Variants in UTRN observed in about 807,000 individuals in gnomAD.
The protein encoded by UTRN is utrophin.
In UTRN, 283 loss-of-function variants were observed where a neutral mutation model predicts 463.9. That is an observed-to-expected ratio of 0.61 (90% CI 0.55 to 0.67). UTRN has a LOEUF of 0.67. UTRN is among the 30% of genes least tolerant of loss of function. UTRN has a pLI of 0.00. For synonymous variants in UTRN, 1,442 were observed against 1,431.5 expected (o/e 1.01, Z -0.17); for missense variants, 3,922 against 4,084.3 (o/e 0.96, Z 1.08).
chr6:144,358,898 A>G (rs1300159719), intron 2 of UTRN, among the ~76,000 whole-genome samples: 1 of 152,222 alleles, frequency 6.6e-6, no homozygotes, highest in Non-Finnish European at 1.5e-5. Flanking sequence ...CTTTATACTC[A>G]TACTTAAAAA....
At position 144,815,555 on chromosome 6, in the gene UTRN, A is replaced by G. The variant is rs899180213; in HGVS notation, c.9358-5327A>G. Among the ~76,000 whole-genome samples, 4 of 152,354 alleles carry G rather than the reference A, an allele frequency of 2.6e-5. No homozygotes were observed. The South Asian group carries it at 8.3e-4, about 32-fold the overall frequency. On this transcript the variant is annotated intron_variant, in intron 65 of 74. Transcript: ENST00000367545. ...GCCGAAGGCCCAAGAGCCCCTGGCAAACCACTGGTCTAACAGTCCAAAAGT... is the reference window on the plus strand; with the variant it reads ...GCCGAAGGCCCAAGAGCCCCTGGCAGACCACTGGTCTAACAGTCCAAAAGT...
In UTRN at chr6:144,812,009, C is replaced by T. The variant is rs191497506; in HGVS notation, c.9357+8862C>T. On this transcript the variant is annotated intron_variant, in intron 65 of 74. Coordinates refer to ENST00000367545, the MANE Select transcript of UTRN (RefSeq NM_007124.3). ...AGCCTTTGTTTTCCTCTGTATGTAA[C>T]TTATTCATATTTGTAATTAACAATT... Among the ~76,000 whole-genome samples the T allele has an allele frequency of 3.1e-4, 47 of 152,140 alleles. 1 individual carries two copies. The East Asian group carries it at 8.5e-3, about 28-fold the overall frequency.
intron 62 of UTRN, among the ~76,000 whole-genome samples, chr6:144,792,003 C>T (rs528831976): frequency 6.6e-6 from 1 of 152,286 alleles, no homozygotes; most frequent in African/African-American, 2.4e-5. Context: ...GCTAAGACTA[C>T]TGGATAAATA....
At chr6:144,649,061 G>A (rs1051053556) in intron 51 of UTRN, among the ~76,000 whole-genome samples, 5 of 152,176 alleles carry the variant, frequency 3.3e-5, no homozygotes, top group African/African-American at 9.7e-5. Context: ...ACAGCATAAT[G>A]GAGATGGCCG....
In UTRN at chr6:144,519,804, C is replaced by T. The variant is rs552441429; in HGVS notation, c.5542-2176C>T. Among the ~76,000 whole-genome samples the T allele has an allele frequency of 2.0e-5, 3 of 152,278 alleles. No homozygotes were observed. In the East Asian group the frequency reaches 5.8e-4, roughly 29 times the overall value. On this transcript the variant is annotated intron_variant, in intron 39 of 74. Coordinates refer to ENST00000367545, the MANE Select transcript of UTRN (RefSeq NM_007124.3). The stretch of plus-strand genomic sequence containing the variant: ...TTTTAAACTTGGATCTTTATGATAC[C>T]TACTAACCTCCCTAGTTTATTCTAA...
chr6:144,647,591 T>G (rs1421214971), intron 51 of UTRN, among the ~76,000 whole-genome samples: 1 of 152,244 alleles, frequency 6.6e-6, no homozygotes, highest in Non-Finnish European at 1.5e-5. Flanking sequence ...CAGATGTCCT[T>G]GTGCAAGCTG....
intron 43 of UTRN, among the ~76,000 whole-genome samples, chr6:144,534,884 C>T (rs1485246433): frequency 2.0e-5 from 3 of 152,134 alleles, no homozygotes; most frequent in Non-Finnish European, 4.4e-5. Context: ...TAGGGAGGGC[C>T]TTCTAGGCAG....
chr6:144,569,024 CT>C (rs1023669819), intron 50 of UTRN, among the ~76,000 whole-genome samples: 7 of 151,930 alleles, frequency 4.6e-5, no homozygotes, highest in African/African-American at 1.7e-4. Context: ...ATTTTATTGA[CT>C]TATGATATTA....
At chr6:144,444,177 G>T in intron 13 of UTRN, 104 bp from the exon 14 acceptor site, 1 of 897,648 alleles carries the variant, frequency 1.1e-6, no homozygotes, top group Non-Finnish European at 1.6e-6. Flanking sequence ...TTTATAAGTT[G>T]TTATTCTATA....
At chr6:144,509,674 G>T (rs766722097) in intron 34 of UTRN, among the ~76,000 whole-genome samples, 5 of 151,996 alleles carry the variant, frequency 3.3e-5, no homozygotes, top group Non-Finnish European at 7.4e-5. Context: ...ACATTTTAAT[G>T]TATTTGCACT....
intron 49 of UTRN, among the ~76,000 whole-genome samples, chr6:144,555,760 T>A (rs1799325403): frequency 6.6e-6 from 1 of 152,124 alleles, no homozygotes; most frequent in Non-Finnish European, 1.5e-5. Flanking sequence ...ACAGGGGAAA[T>A]TCATCCCCAT....
chr6:144,454,761 A>G (rs1393414702), intron 19 of UTRN, among the ~76,000 whole-genome samples: 1 of 152,108 alleles, frequency 6.6e-6, no homozygotes, highest in African/African-American at 2.4e-5. Flanking sequence ...AATTATCTAT[A>G]CCTTTACTCG....
chr6:144,406,364 T>C (rs1414173426), intron 3 of UTRN, among the ~76,000 whole-genome samples: 3 of 30,958 alleles, frequency 9.7e-5, no homozygotes, highest in African/African-American at 1.5e-4. Context: ...TTCTTTTTTT[T>C]TTTTTTTTTT....
chr6:144,607,865 G>A (rs937380417), intron 51 of UTRN, among the ~76,000 whole-genome samples: 1 of 152,142 alleles, frequency 6.6e-6, no homozygotes, highest in Non-Finnish European at 1.5e-5. Flanking sequence ...GAGTGACCTT[G>A]TTTTGTTTTA....
intron 51 of UTRN, among the ~76,000 whole-genome samples, chr6:144,639,257 C>G (rs115298340): frequency 3.4e-4 from 51 of 152,234 alleles, no homozygotes; most frequent in African/African-American, 1.1e-3. Flanking sequence ...GTCCTCACCT[C>G]TTGATTTGTC....
At chr6:144,764,253 A>G (rs1397045208) in intron 58 of UTRN, among the ~76,000 whole-genome samples, 1 of 152,198 alleles carries the variant, frequency 6.6e-6, no homozygotes, top group Non-Finnish European at 1.5e-5. Context: ...CTAAAAATCT[A>G]AACAGTAGAA....
At chr6:144,696,354 A>G (rs142295427) in intron 52 of UTRN, among the ~76,000 whole-genome samples, 95 of 152,338 alleles carry the variant, frequency 6.2e-4, no homozygotes, top group African/African-American at 2.3e-3. Flanking sequence ...ATGTGGCCTA[A>G]TGAGCACTTG....
At chr6:144,784,353 C>T (rs1261718428) in intron 61 of UTRN, among the ~76,000 whole-genome samples, 1 of 152,174 alleles carries the variant, frequency 6.6e-6, no homozygotes, top group African/African-American at 2.4e-5. Context: ...ATGAAGGTGT[C>T]GGCTGGGTTG....
At chr6:144,429,771 G>C in intron 9 of UTRN, 30 bp downstream of exon 9, 1 of 1,593,920 alleles carries the variant, frequency 6.3e-7, no homozygotes, top group Non-Finnish European at 8.5e-7. Flanking sequence ...AAGATGTTTG[G>C]CTTGCCGTAT....
Sources: allele counts gnomAD v4.1 joint callset (sites outside exome capture counted in the v4.1 genomes callset), GRCh38; gene constraint gnomAD v4.1.1; transcripts MANE v1.5; gene names NCBI Gene and HGNC (gene_info 2026-07-23, HGNC 2026-07-21).